CPAMD8: variants seen among roughly 807,000 people sequenced by gnomAD.
CPAMD8 encodes C3 and PZP-like alpha-2-macroglobulin domain-containing protein 8.
Under a neutral mutation model 224.7 loss-of-function variants are expected in CPAMD8, and 146 were observed. The ratio of observed to expected loss-of-function variants is 0.65; its 90% CI spans 0.57 to 0.75. The LOEUF (loss-of-function observed/expected upper bound fraction) is 0.75, where lower values mean the gene tolerates loss of function less well. CPAMD8 is among the 30% of genes least tolerant of loss of function. CPAMD8 has a pLI of 0.00. For missense variants in CPAMD8, 2,301 were observed against 2,537.5 expected (o/e 0.91, Z 2.00); for synonymous variants, 966 against 1,044.6 (o/e 0.92, Z 1.45).
In CPAMD8 at chr19:16,987,179, A is replaced by T. The variant is rs4808063; in HGVS notation, c.1395+2464T>A. Among the ~76,000 whole-genome samples the T allele has an allele frequency of 8.4e-3, 452 of 53,624 alleles. 7 individuals are homozygous for T. Among genetic ancestry groups the T allele is most frequent in the African/African-American group, 0.016 (149 of 9,462 alleles). The allele number at this position is 53,624 out of a possible 152,430, so 35.2% of individuals were successfully genotyped here. On this transcript the variant is annotated intron_variant, in intron 13 of 41. Coordinates refer to ENST00000443236, the MANE Select transcript of CPAMD8 (RefSeq NM_015692.5). ...AAAAAAAAAAAAAAAAAAAAAAAAA[A>T]ATATATATATATATATATATATATA...
At chr19:17,008,669 G>T in intron 6 of CPAMD8, 110 bp from the exon 7 acceptor site, 1 of 1,203,052 alleles carries the variant, frequency 8.3e-7, no homozygotes, top group Non-Finnish European at 1.2e-6. Context: ...CAACCATGCA[G>T]CGAAGGTCCC....
At chr19:16,979,179 C>CATTCATCT (rs2055397667) in intron 14 of CPAMD8, among the ~76,000 whole-genome samples, 1 of 151,316 alleles carries the variant, frequency 6.6e-6, no homozygotes, top group African/African-American at 2.4e-5. Context: ...TCCATCCATC[C>CATTCATCT]ATTCATCTAT....
At chr19:16,922,881 C>T (rs1482103593) in intron 26 of CPAMD8, among the ~76,000 whole-genome samples, 1 of 152,224 alleles carries the variant, frequency 6.6e-6, no homozygotes, top group East Asian at 1.9e-4. Context: ...CACACTACAT[C>T]TAGGGTGGCT....
chr19:16,951,964 A>G lies in CPAMD8; in HGVS notation c.2508+5T>C. 2 of 1,533,386 alleles carry G rather than the reference A, an allele frequency of 1.3e-6. No individual in the cohort carries two copies. Among genetic ancestry groups the G allele is most frequent in the Middle Eastern group, 1.7e-4 (1 of 5,906 alleles). 95.0% of individuals were successfully genotyped at this position (1,533,386 alleles called of 1,614,324 possible). ...GGAAGGCTATGTATTTGGGGGGCTG[A>G]GTACCTCAGCGCAGGTGCCCATGTA... On this transcript the variant is annotated splice_donor_5th_base_variant and intron_variant, in intron 20 of 41. Transcript: ENST00000443236.
chr19:16,918,361 T>A (rs1303325662), intron 27 of CPAMD8, among the ~76,000 whole-genome samples: 1 of 152,200 alleles, frequency 6.6e-6, no homozygotes, highest in African/African-American at 2.4e-5. Flanking sequence ...ACATGTCACT[T>A]CATTTGCATG....
At chr19:17,007,334 T>A (rs10406502) in intron 7 of CPAMD8, among the ~76,000 whole-genome samples, 11,785 of 145,426 alleles carry the variant, frequency 0.081, 525 homozygotes, top group East Asian at 0.18. Flanking sequence ...GACTGTATTT[T>A]AAAAAAAAAG....
At chr19:16,997,369 A>C in intron 10 of CPAMD8, 31 bp from the exon 11 acceptor site, 1 of 1,321,042 alleles carries the variant, frequency 7.6e-7, no homozygotes. Flanking sequence ...GCCCGTGCTC[A>C]CTCAGGGTTG....
chr19:16,979,440 A>ATCTG (rs1188991732), intron 14 of CPAMD8, among the ~76,000 whole-genome samples: 9,375 of 145,378 alleles, frequency 0.064, 683 homozygotes, highest in African/African-American at 0.18. Flanking sequence ...CCATCCATCC[A>ATCTG]TCTATCAATC....
chr19:16,985,213 A>G (rs550754310), intron 13 of CPAMD8, among the ~76,000 whole-genome samples: 189 of 152,192 alleles, frequency 1.2e-3, no homozygotes, highest in African/African-American at 4.1e-3. Context: ...TGGATGCGTG[A>G]ATTGGCAGAT....
rs377275521 is a variant in CPAMD8, at chr19:16,925,320, C to A, written c.3423G>T (p.Pro1141=). 1 of 1,614,216 alleles carries A rather than the reference C, an allele frequency of 6.2e-7. No individual in the cohort carries two copies. The highest frequency in any genetic ancestry group is 8.5e-7 in the Non-Finnish European group (1 of 1,180,022). The change falls in exon 26 of 42, where the codon CCG becomes CCT. Residue 1141 remains proline, a synonymous_variant. Transcript: ENST00000443236. ...TCATGTTCTGCTCTCCACAGCCAAA[C>A]GGCAGCCGCAGGAGGTTGTTGAGGT... is the stretch of plus-strand genomic sequence containing the variant. The part of the protein sequence containing the change: ...LNHLNNLLRL[P]FGCGEQNMIH...
chr19:16,931,039 C>A, intron 23 of CPAMD8, among the ~76,000 whole-genome samples: 1 of 152,222 alleles, frequency 6.6e-6, no homozygotes, highest in East Asian at 1.9e-4. Context: ...GCAACTGCCG[C>A]TATGGGATGC....
chr19:16,901,034 A>G (rs1166715446), intron 36 of CPAMD8, among the ~76,000 whole-genome samples, 176 bp downstream of exon 36: 1 of 143,512 alleles, frequency 7.0e-6, no homozygotes, highest in Admixed American at 6.9e-5. Flanking sequence ...AAGAAAGAGA[A>G]ACAGGGTAAA....
intron 6 of CPAMD8, 98 bp from the exon 7 acceptor site, chr19:17,008,657 G>A (rs1343238975): frequency 1.5e-6 from 2 of 1,320,152 alleles, no homozygotes; most frequent in Non-Finnish European, 2.2e-6. Context: ...TCTTGGGCAT[G>A]TCAACCATGC....
intron 3 of CPAMD8, among the ~76,000 whole-genome samples, chr19:17,014,051 CTTTCTT>C (rs1173933832): frequency 1.5e-5 from 2 of 130,298 alleles, no homozygotes; most frequent in Non-Finnish European, 3.3e-5. Context: ...TTCTCTTTCT[CTTTCTT>C]TCTTTTGTTT....
At chr19:16,973,645 G>A (rs1471052245) in intron 17 of CPAMD8, among the ~76,000 whole-genome samples, 1 of 151,342 alleles carries the variant, frequency 6.6e-6, no homozygotes, top group Non-Finnish European at 1.5e-5. Flanking sequence ...CACCACACCT[G>A]GCCAGAAATA....
intron 1 of CPAMD8, among the ~76,000 whole-genome samples, chr19:17,025,478 G>A (rs1323557277): frequency 1.3e-5 from 2 of 151,986 alleles, no homozygotes; most frequent in East Asian, 3.9e-4. Flanking sequence ...TATAAGGCAG[G>A]GTCTCTCATT....
chr19:16,919,032 G>A (rs2053070240), intron 27 of CPAMD8, among the ~76,000 whole-genome samples: 1 of 151,866 alleles, frequency 6.6e-6, no homozygotes, highest in South Asian at 2.1e-4. Context: ...GTGAAATCCT[G>A]TCTCTATTAA....
At chr19:16,934,199 G>C (rs183067339) in intron 23 of CPAMD8, among the ~76,000 whole-genome samples, 1 of 152,102 alleles carries the variant, frequency 6.6e-6, no homozygotes, top group African/African-American at 2.4e-5. Flanking sequence ...GATTACAAAC[G>C]GGCATGACTC....
At chr19:16,980,783 TG>T in intron 13 of CPAMD8, 97 bp from the exon 14 acceptor site, 1 of 985,448 alleles carries the variant, frequency 1.0e-6, no homozygotes. Flanking sequence ...GAGGTTGGGA[TG>T]GCTGAGGGAG....
Sources: allele counts gnomAD v4.1 joint callset (sites outside exome capture counted in the v4.1 genomes callset), GRCh38; gene constraint gnomAD v4.1.1; transcripts MANE v1.5; gene names NCBI Gene and HGNC (gene_info 2026-07-23, HGNC 2026-07-21).